ZG16B: variants seen among roughly 807,000 people sequenced by gnomAD.
ZG16B encodes the protein pancreatic adenocarcinoma up-regulated factor.
Under a neutral mutation model 7.0 loss-of-function variants are expected in ZG16B, and 8 were observed. The ratio of observed to expected loss-of-function variants is 1.15; its 90% CI spans 0.68 to 2.08. The LOEUF is 2.08. Ranked by LOEUF, ZG16B falls within the 30% of genes most tolerant of loss-of-function variation. The pLI is 0.00. For missense variants in ZG16B, 232 were observed against 211.0 expected (o/e 1.10, Z -0.62); for synonymous variants, 92 against 86.1 (o/e 1.07, Z -0.38).
intron 2 of ZG16B, 31 bp downstream of exon 2, chr16:2,830,524 C>A: frequency 6.3e-7 from 1 of 1,591,714 alleles, no homozygotes. Flanking sequence ...CTCAATCTCC[C>A]CTGCCTCCCT....
rs34763663 is a variant in ZG16B, at chr16:2,831,826, C to A, written c.186C>A (p.Asp62Glu). The change falls in exon 4 of 4, where the codon GAC becomes GAA. Residue 62 changes from aspartate (D) to glutamate (E), a missense_variant. Transcript: ENST00000382280. Reference protein sequence around the residue: ...SVQVKLGDSWDVKLGALGGNT... With the variant: ...SVQVKLGDSWEVKLGALGGNT... The stretch of plus-strand genomic sequence containing the variant: ...AGGTGAAACTTGGAGACTCCTGGGA[C>A]GTGAAACTGGGAGCCTTAGGTGGGA... 5 of 1,613,800 alleles carry A rather than the reference C, an allele frequency of 3.1e-6. No homozygotes were observed. The East Asian group carries it at 6.7e-5, about 22-fold the overall frequency.
chr16:2,831,068 G>C (rs1009537780), intron 3 of ZG16B: 1 of 415,474 alleles, frequency 2.4e-6, no homozygotes, highest in African/African-American at 2.0e-5. Flanking sequence ...AAGTCTGTCC[G>C]ATTACTGTCA....
At chr16:2,831,035 T>A (rs1213466426) in intron 3 of ZG16B, 4 of 484,100 alleles carry the variant, frequency 8.3e-6, no homozygotes, top group Non-Finnish European at 1.1e-5. Context: ...TCTGTCCCCA[T>A]GCCTGATAGG....
In ZG16B at chr16:2,831,894, AAGTC is replaced by A; in HGVS notation, c.255_258del (p.Lys85AsnfsTer66). 1.2e-6 allele frequency: 2 copies of A among 1,614,078 alleles called. No individual in the cohort carries two copies. Among genetic ancestry groups the A allele is most frequent in the Non-Finnish European group, 1.7e-6 (2 of 1,180,026 alleles). On this transcript the variant is annotated frameshift_variant, in exon 4 of 4. Coordinates refer to ENST00000382280, the MANE Select transcript of ZG16B (RefSeq NM_145252.3). LOFTEE classifies it low-confidence loss of function (END_TRUNC). ...CTGCAGCCAGGCGAATACATCACAA[AAGTC>A]TTTGTCGCCTTCCAAGCTTTCCTCC...
At chr16:2,831,723 T>C (rs1596319897) in intron 3 of ZG16B, 73 bp from the exon 4 acceptor site, 2 of 1,539,818 alleles carry the variant, frequency 1.3e-6, no homozygotes, top group South Asian at 1.3e-5. Flanking sequence ...GGAAGGAGGA[T>C]GGGGGCGCTG....
At position 2,830,896 on chromosome 16, in the gene ZG16B, C is replaced by A. The variant is rs550143509; in HGVS notation, c.155+100C>A. ...GGTAAGCACCCGTGGCCACTTTTGC[C>A]ACACATGCCTGGCTACTGTCGATGC... On this transcript the variant is annotated intron_variant, in intron 3 of 3. Coordinates refer to ENST00000382280, the MANE Select transcript of ZG16B (RefSeq NM_145252.3). 1.9e-5 allele frequency: 23 copies of A among 1,218,876 alleles called. No individual in the cohort carries two copies. In the South Asian group the frequency reaches 2.7e-4, roughly 14 times the overall value. The allele number at this position is 1,218,876 out of a possible 1,614,324, so 75.5% of individuals were successfully genotyped here.
Position 2,832,019 on chromosome 16 carries a change from G to T in ZG16B, c.379G>T (p.Val127Leu). 6.2e-7 allele frequency: 1 copy of T among 1,614,184 alleles called. No individual in the cohort carries two copies. The highest frequency in any genetic ancestry group is 1.6e-4 in the Middle Eastern group (1 of 6,062). The change falls in exon 4 of 4, where the codon GTG becomes TTG. Residue 127 changes from valine (V) to leucine (L), a missense_variant. Coordinates refer to ENST00000382280, the MANE Select transcript of ZG16B (RefSeq NM_145252.3). ...SSAYPSQEGQ[V>L]LVGIYGQYQL... ...TGCCTACCCCAGCCAAGAGGGGCAGGTGCTGGTGGGCATCTATGGCCAGTA... is the reference window on the plus strand; with the variant it reads ...TGCCTACCCCAGCCAAGAGGGGCAGTTGCTGGTGGGCATCTATGGCCAGTA...
At chr16:2,831,486 G>T (rs2069255626) in intron 3 of ZG16B, among the ~76,000 whole-genome samples, 2 of 152,218 alleles carry the variant, frequency 1.3e-5, no homozygotes, top group Non-Finnish European at 2.9e-5. Flanking sequence ...GGCAGCTGGT[G>T]CCTTCTGGGT....
intron 3 of ZG16B, chr16:2,831,277 G>A (rs982542692): frequency 1.6e-5 from 3 of 190,092 alleles, no homozygotes; most frequent in African/African-American, 7.1e-5. Context: ...GAGACAGAGT[G>A]TGGGCGGGGC....
In ZG16B at chr16:2,830,418, C is replaced by G. The variant is rs1000410125; in HGVS notation, c.-24C>G. On this transcript the variant is annotated 5_prime_UTR_variant, in exon 2 of 4. Transcript: ENST00000382280. Reference sequence around the variant, plus strand: ...GAGGCCTCTCTTCTTCCCACAGAGCCCTGGGATGCACCGGCCAGAGGCCAT... The same window carrying G: ...GAGGCCTCTCTTCTTCCCACAGAGCGCTGGGATGCACCGGCCAGAGGCCAT... The G allele has an allele frequency of 3.1e-6, 5 of 1,603,954 alleles. No homozygotes were observed. In the African/African-American group the frequency reaches 6.7e-5, roughly 21 times the overall value.
chr16:2,831,010 A>T, intron 3 of ZG16B: 1 of 535,950 alleles, frequency 1.9e-6, no homozygotes, highest in Non-Finnish European at 3.4e-6. Context: ...GCTCAACTCA[A>T]CCAAAAATGG....
Position 2,832,072 on chromosome 16 carries a change from C to T in ZG16B, c.432C>T (p.Gly144=). 6.2e-7 allele frequency: 1 copy of T among 1,614,104 alleles called. No homozygotes were observed. The highest frequency in any genetic ancestry group is 8.5e-7 in the Non-Finnish European group (1 of 1,180,028). The change falls in exon 4 of 4, where the codon GGC becomes GGT. Residue 144 remains glycine (G), a synonymous_variant. Coordinates refer to ENST00000382280, the MANE Select transcript of ZG16B (RefSeq NM_145252.3). Reference sequence around the variant, plus strand: ...AACTCCTTGGCATCAAGAGCATTGGCTTTGAATGGAATTATCCACTAGAGG... The same window carrying T: ...AACTCCTTGGCATCAAGAGCATTGGTTTTGAATGGAATTATCCACTAGAGG... ...QYQLLGIKSI[G]FEWNYPLEEP...
At chr16:2,830,877 C>G in intron 3 of ZG16B, 81 bp downstream of exon 3, 2 of 1,437,492 alleles carry the variant, frequency 1.4e-6, no homozygotes, top group Non-Finnish European at 1.9e-6. Flanking sequence ...AGGGGGTAAG[C>G]ACCCGTGGCC....
Position 2,832,090 on chromosome 16 carries a change from A to G in ZG16B, c.450A>G (p.Pro150=), listed in dbSNP as rs370609636. The stretch of plus-strand genomic sequence containing the variant: ...GCATTGGCTTTGAATGGAATTATCC[A>G]CTAGAGGAGCCGACCACTGAGCCAC... ...IKSIGFEWNY[P]LEEPTTEPPV... is the part of the protein sequence containing the mutation. Residue 150 remains proline (P), a synonymous_variant, in exon 4 of 4, where the codon CCA becomes CCG. Coordinates refer to ENST00000382280, the MANE Select transcript of ZG16B (RefSeq NM_145252.3). The G allele has an allele frequency of 4.3e-6, 7 of 1,614,068 alleles. No individual in the cohort carries two copies. In the East Asian group the frequency reaches 1.6e-4, roughly 36 times the overall value.
chr16:2,830,546 A>G, intron 2 of ZG16B, 53 bp downstream of exon 2: 1 of 1,586,690 alleles, frequency 6.3e-7, no homozygotes, highest in Admixed American at 1.7e-5. Flanking sequence ...CAGGAGAGCC[A>G]GGGACTCACC....
At chr16:2,830,903 G>T in intron 3 of ZG16B, 107 bp downstream of exon 3, 1 of 1,127,948 alleles carries the variant, frequency 8.9e-7, no homozygotes. Flanking sequence ...TGCCACACAT[G>T]CCTGGCTACT....
At chr16:2,830,871 G>T (rs1313660317) in intron 3 of ZG16B, 75 bp downstream of exon 3, 3 of 1,518,144 alleles carry the variant, frequency 2.0e-6, no homozygotes, top group South Asian at 1.1e-5. Flanking sequence ...CAGGGCAGGG[G>T]GTAAGCACCC....
rs767852880 is a variant in ZG16B at position 2,832,161 on chromosome 16, G to A, written c.*2G>A. The A allele has an allele frequency of 6.2e-7, 1 of 1,610,520 alleles. No individual in the cohort carries two copies. The highest frequency in any genetic ancestry group is 1.7e-5 in the Admixed American group (1 of 59,978). On this transcript the variant is annotated 3_prime_UTR_variant, in exon 4 of 4. Transcript: ENST00000382280. ...GCAAACTCACCCGTGGGTCGCTAGG[G>A]TGGGGTATGGGGCCATCCGAGCTGA...
At position 2,832,109 on chromosome 16, in the gene ZG16B, G is replaced by T; in HGVS notation, c.469G>T (p.Glu157Ter). 1 of 1,614,122 alleles carries T rather than the reference G, an allele frequency of 6.2e-7. No individual in the cohort carries two copies. The highest frequency in any genetic ancestry group is 1.7e-5 in the Admixed American group (1 of 60,020). ...TTATCCACTAGAGGAGCCGACCACT[G>T]AGCCACCAGTTAATCTCACATACTC... ...WNYPLEEPTT[E>*]PPVNLTYSAN... The change falls in exon 4 of 4, where the codon GAG (glutamate) becomes TAG (stop). Residue 157 changes from glutamate to a stop codon, truncating the protein, a stop_gained. Transcript: ENST00000382280. LOFTEE classifies it low-confidence loss of function (END_TRUNC).
Sources: allele counts gnomAD v4.1 joint callset (sites outside exome capture counted in the v4.1 genomes callset), GRCh38; gene constraint gnomAD v4.1.1; transcripts MANE v1.5; gene names NCBI Gene and HGNC (gene_info 2026-07-23, HGNC 2026-07-21).